OSBPL10: variants seen among roughly 807,000 people sequenced by gnomAD.
The protein encoded by OSBPL10 is oxysterol binding protein like 10, also known as oxysterol-binding protein-related protein 10.
OSBPL10 carries 49 observed loss-of-function variants against 81.7 expected under a neutral mutation model. The observed-to-expected ratio is 0.60, with a 90% CI of 0.48 to 0.76. The LOEUF is 0.76. Ranked by LOEUF, OSBPL10 falls within the 30% of genes least tolerant of loss-of-function variation. The probability of loss-of-function intolerance (pLI) is 0.00; values close to 1 mark genes in which losing one functional copy is unlikely to be tolerated. For synonymous variants in OSBPL10, 419 were observed against 383.6 expected, an observed-to-expected ratio of 1.09 and a Z score of -1.08; for missense variants, 923 against 987.8, an observed-to-expected ratio of 0.93 and a Z score of 0.88.
rs148623672 is a variant in OSBPL10, at chr3:31,682,887, T to C, written c.1726+747A>G. ...GTGAATGAAAGGTGCTCTTATCTCA[T>C]GGGGTTTTGGAAGGGCTTCTAAGGA... On this transcript the variant is annotated intron_variant, in intron 8 of 11. Coordinates refer to ENST00000396556, the MANE Select transcript of OSBPL10 (RefSeq NM_017784.5). Among the ~76,000 whole-genome samples, 658 of 152,246 alleles carry C rather than the reference T, an allele frequency of 4.3e-3. 2 individuals are homozygous for C. Among genetic ancestry groups the C allele is most frequent in the African/African-American group, 0.015 (632 of 41,540 alleles).
At chr3:32,014,824 A>C (rs1377841169) in intron 2 of OSBPL10, among the ~76,000 whole-genome samples, 2 of 152,226 alleles carry the variant, frequency 1.3e-5, no homozygotes, top group Non-Finnish European at 2.9e-5. Flanking sequence ...GATCCAAATC[A>C]TGAGTGAACT....
At chr3:31,695,373 T>G (rs1695683938) in intron 7 of OSBPL10, among the ~76,000 whole-genome samples, 2 of 152,306 alleles carry the variant, frequency 1.3e-5, no homozygotes, top group South Asian at 2.1e-4. Context: ...CTCTCTGCTA[T>G]TGCCCCATAT....
rs559534869 is a variant in OSBPL10, at chr3:32,003,891, C to T, written n.298+42600G>A. ...GGACAAAGTAGAAAGTTCTAGAACA[C>T]GGGCTAATACTAAGGGCTCTTTTGG... On this transcript the variant is annotated intron_variant and non_coding_transcript_variant, in intron 2 of 3. Transcript: ENST00000479173. 8.5e-5 allele frequency among the ~76,000 whole-genome samples: 13 copies of T among 152,214 alleles called. No individual in the cohort carries two copies. In the East Asian group the frequency reaches 1.4e-3, roughly 16 times the overall value.
intron 4 of OSBPL10, among the ~76,000 whole-genome samples, chr3:31,766,550 G>A (rs907336963): frequency 1.3e-5 from 2 of 151,824 alleles, no homozygotes; most frequent in African/African-American, 4.8e-5. Flanking sequence ...ATGTTGCCCA[G>A]GCTGGTCTTG....
intron 1 of OSBPL10, among the ~76,000 whole-genome samples, chr3:31,942,974 A>G (rs888548940): frequency 6.6e-6 from 1 of 152,186 alleles, no homozygotes; most frequent in African/African-American, 2.4e-5. Flanking sequence ...CACCCCAGAG[A>G]GAAATTCTGT....
At position 31,860,871 on chromosome 3, in the gene OSBPL10, GT is replaced by G. The variant is rs71628582; in HGVS notation, c.537+15561del. On this transcript the variant is annotated intron_variant, in intron 3 of 11. Transcript: ENST00000396556. The stretch of plus-strand genomic sequence containing the variant: ...GGTTTTTTGGGGTTTTTTTTTTTGG[GT>G]TTTTTTTTTTGTATTTTTAGTAGAC... 3.9e-3 allele frequency among the ~76,000 whole-genome samples: 534 copies of G among 136,520 alleles called. 5 individuals carry two copies. Among genetic ancestry groups the G allele is most frequent in the South Asian group, 0.02 (90 of 4,530 alleles). The allele number at this position is 136,520 out of a possible 152,430, so 89.6% of individuals were successfully genotyped here.
At chr3:31,914,960 GT>G (rs1156622552) in intron 1 of OSBPL10, among the ~76,000 whole-genome samples, 1 of 152,108 alleles carries the variant, frequency 6.6e-6, no homozygotes, top group East Asian at 1.9e-4. Context: ...GTTTTGTTTT[GT>G]TTGGTTTTGT....
intron 3 of OSBPL10, among the ~76,000 whole-genome samples, chr3:31,848,451 C>T (rs1456026665): frequency 6.6e-6 from 1 of 152,008 alleles, no homozygotes; most frequent in Non-Finnish European, 1.5e-5. Context: ...TATCTGGTTC[C>T]AGTTCCACCC....
chr3:31,880,153 G>A (rs146157148), intron 1 of OSBPL10, among the ~76,000 whole-genome samples: 2 of 152,224 alleles, frequency 1.3e-5, no homozygotes, highest in African/African-American at 2.4e-5. Context: ...CAGAAGCATT[G>A]CAACACAGCC....
intron 1 of OSBPL10, among the ~76,000 whole-genome samples, chr3:32,055,671 A>G (rs903756718): frequency 7.9e-5 from 12 of 152,178 alleles, no homozygotes; most frequent in Non-Finnish European, 1.6e-4. Flanking sequence ...GACATTGATT[A>G]TTTTACCTAG....
intron 4 of OSBPL10, among the ~76,000 whole-genome samples, chr3:31,783,146 T>TACACACACAC (rs1553625121): frequency 8.8e-6 from 1 of 113,022 alleles, no homozygotes; most frequent in Non-Finnish European, 1.8e-5. Flanking sequence ...TATATATATA[T>TACACACACAC]ACACACACAC....
At chr3:31,734,405 G>C (rs1218669689) in intron 5 of OSBPL10, among the ~76,000 whole-genome samples, 1 of 152,118 alleles carries the variant, frequency 6.6e-6, no homozygotes, top group Admixed American at 6.5e-5. Context: ...AGTAACCAGA[G>C]GTGGATTTCT....
chr3:31,711,579 G>A (rs926337231), intron 6 of OSBPL10, among the ~76,000 whole-genome samples: 1 of 152,152 alleles, frequency 6.6e-6, no homozygotes, highest in African/African-American at 2.4e-5. Flanking sequence ...GAGTGTGCAA[G>A]GACAAAATCT....
chr3:31,857,572 C>G (rs2125589035), intron 3 of OSBPL10, among the ~76,000 whole-genome samples: 1 of 151,652 alleles, frequency 6.6e-6, no homozygotes, highest in South Asian at 2.1e-4. Context: ...TTTTAAAATA[C>G]ATTTTTAATA....
rs1269913472 is a variant in OSBPL10, at chr3:31,748,137, C to CAGTAAGG, written c.730-24_730-18dup. On this transcript the variant is annotated splice_polypyrimidine_tract_variant and intron_variant, in intron 4 of 11. Coordinates refer to ENST00000396556, the MANE Select transcript of OSBPL10 (RefSeq NM_017784.5). ...GTTCATCATCTACAAAACAAGAAGA[C>CAGTAAGG]AGTAAGGAGGTGAGGGGCGGAAGTT... 6 of 1,600,568 alleles carry CAGTAAGG rather than the reference C, an allele frequency of 3.7e-6. No homozygotes were observed. In the South Asian group the frequency reaches 6.7e-5, roughly 18 times the overall value.
chr3:31,701,375 C>G (rs774134563), intron 7 of OSBPL10, among the ~76,000 whole-genome samples: 1 of 152,190 alleles, frequency 6.6e-6, no homozygotes, highest in African/African-American at 2.4e-5. Context: ...ACACCCTCCC[C>G]GCAGATCATG....
chr3:31,710,640 G>A (rs776562507), intron 6 of OSBPL10: 13 of 152,310 alleles, frequency 8.5e-5, no homozygotes, highest in Non-Finnish European at 1.5e-4. Flanking sequence ...AGCAAGTGCA[G>A]TGAATCAGAG....
At chr3:31,867,900 C>A (rs1246180359) in intron 3 of OSBPL10, among the ~76,000 whole-genome samples, 1 of 152,064 alleles carries the variant, frequency 6.6e-6, no homozygotes, top group East Asian at 1.9e-4. Flanking sequence ...AGAAACAGGT[C>A]CCCAACTGAA....
chr3:31,926,030 C>T (rs904780610), intron 1 of OSBPL10, among the ~76,000 whole-genome samples: 1 of 151,930 alleles, frequency 6.6e-6, no homozygotes, highest in African/African-American at 2.4e-5. Context: ...GTAAAAGTAA[C>T]CACTCTCTTA....
Sources: gnomAD v4.1 joint callset for allele counts (sites outside exome capture counted in the v4.1 genomes callset) on GRCh38, gnomAD v4.1.1 for gene constraint, MANE v1.5 for transcripts, NCBI Gene and HGNC (gene_info 2026-07-23, HGNC 2026-07-21) for gene names.